Variants in PSD3 observed in about 807,000 individuals in gnomAD.
PSD3 encodes pleckstrin and Sec7 domain containing 3.
PSD3 carries 49 observed loss-of-function variants against 105.5 expected under a neutral mutation model. The ratio of observed to expected loss-of-function variants is 0.46; its 90% CI spans 0.37 to 0.59. PSD3 has a LOEUF of 0.59. Among genes scored for constraint, PSD3 ranks in the 20% least tolerant of loss-of-function variants. The pLI is 0.00. For synonymous variants in PSD3, 557 were observed against 457.8 expected (o/e 1.22, Z -2.77); for missense variants, 1,561 against 1,263.8 (o/e 1.24, Z -3.57).
intron 8 of PSD3, among the ~76,000 whole-genome samples, chr8:18,798,804 G>C (rs28696248): frequency 0.73 from 111,076 of 151,922 alleles, 42,109 homozygotes; most frequent in Non-Finnish European, 0.83. Context: ...ACTTTATCTT[G>C]TATCTTAAGT....
chr8:18,850,850 A>G (rs1219762481), intron 4 of PSD3, among the ~76,000 whole-genome samples: 1 of 152,160 alleles, frequency 6.6e-6, no homozygotes, highest in African/African-American at 2.4e-5. Context: ...TCAATAAAGG[A>G]CCAGCTGAAT....
At position 18,538,992 on chromosome 8, in the gene PSD3, C is replaced by T. The variant is rs532985499; in HGVS notation, c.2929-3034G>A. Among the ~76,000 whole-genome samples, 17 of 152,204 alleles carry T rather than the reference C, an allele frequency of 1.1e-4. No individual in the cohort carries two copies. The South Asian group carries it at 1.9e-3, about 17-fold the overall frequency. Reference sequence around the variant, plus strand: ...CGAGGGTTGATGAGTTTGCAAACGCCGTGCCCCATTTCTGACTTAAAAAAG... The same window carrying T: ...CGAGGGTTGATGAGTTTGCAAACGCTGTGCCCCATTTCTGACTTAAAAAAG... On this transcript the variant is annotated intron_variant, in intron 15 of 15. Transcript: ENST00000327040.
At chr8:18,914,470 A>C (rs1820452845) in intron 2 of PSD3, among the ~76,000 whole-genome samples, 2 of 152,192 alleles carry the variant, frequency 1.3e-5, no homozygotes, top group South Asian at 2.1e-4. Flanking sequence ...CAGAAATCCT[A>C]AAGAGTCCAC....
chr8:18,615,144 C>G (rs937966298), intron 11 of PSD3, among the ~76,000 whole-genome samples: 1 of 151,864 alleles, frequency 6.6e-6, no homozygotes, highest in South Asian at 2.1e-4. Flanking sequence ...CAACCTTTTT[C>G]GATTACCTAC....
intron 4 of PSD3, among the ~76,000 whole-genome samples, chr8:18,837,050 G>T (rs1288662187): frequency 3.9e-5 from 6 of 151,934 alleles, no homozygotes; most frequent in South Asian, 2.1e-4. Context: ...TATCCAGAAG[G>T]AGAGAAAGGG....
intron 11 of PSD3, among the ~76,000 whole-genome samples, chr8:18,624,446 T>C (rs888838863): frequency 2.7e-5 from 4 of 150,234 alleles, no homozygotes; most frequent in Non-Finnish European, 4.4e-5. Flanking sequence ...CTGAGTTGTA[T>C]TTTTTATAAG....
intron 2 of PSD3, among the ~76,000 whole-genome samples, chr8:18,896,978 T>G (rs1317671781): frequency 1.3e-5 from 2 of 151,834 alleles, no homozygotes; most frequent in Non-Finnish European, 2.9e-5. Flanking sequence ...GCTCGGCTAA[T>G]TTTGTATTTT....
chr8:18,910,389 A>C (rs1820130899), intron 2 of PSD3, among the ~76,000 whole-genome samples: 1 of 125,906 alleles, frequency 7.9e-6, no homozygotes, highest in South Asian at 3.0e-4. Context: ...TCGCAAGAAC[A>C]AAAAACCAAA....
chr8:18,798,895 G>T (rs1810426952), intron 8 of PSD3, among the ~76,000 whole-genome samples: 1 of 152,114 alleles, frequency 6.6e-6, no homozygotes, highest in Non-Finnish European at 1.5e-5. Flanking sequence ...AAGAAAGGCT[G>T]AGTTATTCAA....
At chr8:18,660,676 G>C (rs1458281449) in intron 9 of PSD3, among the ~76,000 whole-genome samples, 1 of 152,158 alleles carries the variant, frequency 6.6e-6, no homozygotes, top group Non-Finnish European at 1.5e-5. Flanking sequence ...CAGCTCCTTG[G>C]ACGAGGAAAC....
chr8:18,979,395 C>T (rs1209427193), intron 1 of PSD3, among the ~76,000 whole-genome samples: 1 of 152,184 alleles, frequency 6.6e-6, no homozygotes, highest in East Asian at 1.9e-4. Flanking sequence ...TCTTAGGGAG[C>T]ACATTCTTAC....
chr8:18,583,488 C>G (rs545832312), intron 12 of PSD3, among the ~76,000 whole-genome samples: 1 of 152,162 alleles, frequency 6.6e-6, no homozygotes, highest in African/African-American at 2.4e-5. Flanking sequence ...ATAGCTCCAA[C>G]TGCTCTAAGA....
At chr8:19,001,383 C>A (rs527554100) in intron 1 of PSD3, among the ~76,000 whole-genome samples, 1 of 151,066 alleles carries the variant, frequency 6.6e-6, no homozygotes, top group Non-Finnish European at 1.5e-5. Context: ...TTTCGATACA[C>A]CTCCTGCCCC....
At chr8:18,908,043 T>C (rs1819961539) in intron 2 of PSD3, among the ~76,000 whole-genome samples, 1 of 152,220 alleles carries the variant, frequency 6.6e-6, no homozygotes. Context: ...TGGATGTAGA[T>C]AAACTGATGA....
intron 1 of PSD3, among the ~76,000 whole-genome samples, chr8:19,065,714 T>C (rs1829053377): frequency 6.6e-6 from 1 of 152,198 alleles, no homozygotes; most frequent in Admixed American, 6.5e-5. Context: ...GGAACCTCCA[T>C]GGGTTCAGCT....
chr8:18,550,731 A>G (rs2130081943), intron 15 of PSD3, among the ~76,000 whole-genome samples: 1 of 152,280 alleles, frequency 6.6e-6, no homozygotes, highest in East Asian at 1.9e-4. Flanking sequence ...ACTATCATCA[A>G]GTTGAAAAAT....
chr8:18,738,799 A>C (rs2129433821), intron 9 of PSD3, among the ~76,000 whole-genome samples: 2 of 152,258 alleles, frequency 1.3e-5, no homozygotes, highest in East Asian at 3.9e-4. Context: ...ATTGCTAAGA[A>C]GTAAGCTATA....
At position 18,567,879 on chromosome 8, in the gene PSD3, G is replaced by GA. The variant is rs551096161; in HGVS notation, c.2784+4648_2784+4649insT. Among the ~76,000 whole-genome samples the GA allele has an allele frequency of 1.4e-3, 212 of 152,310 alleles. 1 individual carries two copies. Among genetic ancestry groups the GA allele is most frequent in the African/African-American group, 4.9e-3 (202 of 41,560 alleles). The stretch of plus-strand genomic sequence containing the variant: ...TGTAATGTGATCCCCAATGTTGGAG[G>GA]TGGGACCTGGTAAGAGGTGTTTGCG... On this transcript the variant is annotated intron_variant, in intron 14 of 15. Coordinates refer to ENST00000327040, the MANE Select transcript of PSD3 (RefSeq NM_015310.4).
intron 1 of PSD3, among the ~76,000 whole-genome samples, chr8:19,073,725 G>A (rs984205287): frequency 3.3e-5 from 5 of 152,020 alleles, no homozygotes; most frequent in African/African-American, 1.2e-4. Context: ...AGGGGTCACA[G>A]CCTGCTTATT....
Sources: allele counts gnomAD v4.1 joint callset (sites outside exome capture counted in the v4.1 genomes callset), GRCh38; gene constraint gnomAD v4.1.1; transcripts MANE v1.5; gene names NCBI Gene and HGNC (gene_info 2026-07-23, HGNC 2026-07-21).